Variants in DNM3 observed in about 807,000 individuals in gnomAD.
DNM3 encodes the protein dynamin 3.
In DNM3, 47 loss-of-function variants were observed where a neutral mutation model predicts 101.6. That is an observed-to-expected ratio of 0.46 (90% CI 0.37 to 0.59). DNM3 has a LOEUF of 0.59. Among genes scored for constraint, DNM3 ranks in the 20% least tolerant of loss-of-function variants. The pLI, the probability that DNM3 is intolerant of heterozygous loss-of-function variation, is 0.00. For missense variants in DNM3, 849 were observed against 1,085.7 expected (o/e 0.78, Z 3.06); for synonymous variants, 385 against 387.9 (o/e 0.99, Z 0.09).
chr1:171,930,537 G>T (rs1166541839), intron 2 of DNM3, among the ~76,000 whole-genome samples: 1 of 152,142 alleles, frequency 6.6e-6, no homozygotes, highest in Non-Finnish European at 1.5e-5. Context: ...CAGACTGAAT[G>T]CCGTGGTGGA....
downstream of DNM3, among the ~76,000 whole-genome samples, chr1:172,417,634 TCCTAGTTTC>T (rs1216828379): frequency 6.6e-6 from 1 of 152,208 alleles, no homozygotes; most frequent in Admixed American, 6.5e-5. Flanking sequence ...AGACCTTGCC[TCCTAGTTTC>T]CCTAGGCCTG....
chr1:172,079,412 C>T (rs2052952656), intron 11 of DNM3, among the ~76,000 whole-genome samples: 1 of 151,534 alleles, frequency 6.6e-6, no homozygotes, highest in South Asian at 2.1e-4. Flanking sequence ...GATCGATTTG[C>T]CTATTGATAC....
At chr1:172,189,417 G>C (rs748633248) in intron 14 of DNM3, among the ~76,000 whole-genome samples, 1 of 151,908 alleles carries the variant, frequency 6.6e-6, no homozygotes, top group Non-Finnish European at 1.5e-5. Flanking sequence ...AATTGGGATT[G>C]CATTTAATCT....
chr1:172,128,745 A>T (rs929113013), intron 13 of DNM3, among the ~76,000 whole-genome samples: 1 of 152,200 alleles, frequency 6.6e-6, no homozygotes, highest in African/African-American at 2.4e-5. Context: ...CGGCTACACT[A>T]TCACCTACTT....
rs1173484193 is a variant in DNM3, at chr1:172,299,419, G to C, written c.1770-9309G>C. Among the ~76,000 whole-genome samples, 13 of 152,248 alleles carry C rather than the reference G, an allele frequency of 8.5e-5. No individual in the cohort carries two copies. The East Asian group carries it at 1.9e-3, about 23-fold the overall frequency. ...AATATCAACTTACTTTATTTTATAT[G>C]TGCAGGTTTGTTACATGGGTATATC... On this transcript the variant is annotated intron_variant, in intron 15 of 20. Coordinates refer to ENST00000627582, the MANE Select transcript of DNM3 (RefSeq NM_015569.5).
chr1:171,996,211 TG>T (rs1310598763), intron 4 of DNM3, among the ~76,000 whole-genome samples: 1 of 152,212 alleles, frequency 6.6e-6, no homozygotes, highest in Non-Finnish European at 1.5e-5. Context: ...ATAGTTTTAC[TG>T]AGTAGAAGAG....
At chr1:172,045,889 G>C (rs1428643274) in intron 9 of DNM3, among the ~76,000 whole-genome samples, 1 of 152,140 alleles carries the variant, frequency 6.6e-6, no homozygotes, top group East Asian at 1.9e-4. Flanking sequence ...CATGTGATGG[G>C]TGATTTTACA....
At chr1:172,285,211 C>T (rs1056286675) in intron 15 of DNM3, among the ~76,000 whole-genome samples, 3 of 152,148 alleles carry the variant, frequency 2.0e-5, no homozygotes, top group Admixed American at 6.5e-5. Context: ...TTTGAAGAGT[C>T]GGTTATATCC....
intron 2 of DNM3, among the ~76,000 whole-genome samples, chr1:171,925,665 A>T (rs1018475093): frequency 2.0e-5 from 3 of 151,760 alleles, no homozygotes; most frequent in South Asian, 4.2e-4. Flanking sequence ...TCGTCTGTTT[A>T]CTCTGTTGGT....
At chr1:172,096,069 C>A (rs958336216) in intron 13 of DNM3, among the ~76,000 whole-genome samples, 1 of 152,126 alleles carries the variant, frequency 6.6e-6, no homozygotes, top group Non-Finnish European at 1.5e-5. Context: ...AACTGAAGTC[C>A]ACTTCCTTTT....
chr1:172,042,787 T>A (rs1031909735), intron 8 of DNM3, among the ~76,000 whole-genome samples: 2 of 152,120 alleles, frequency 1.3e-5, no homozygotes, highest in Admixed American at 1.3e-4. Context: ...GGAGGAAGTG[T>A]CCAGTTCACA....
chr1:171,940,976 G>A (rs1348416585), intron 2 of DNM3, among the ~76,000 whole-genome samples: 1 of 151,868 alleles, frequency 6.6e-6, no homozygotes, highest in African/African-American at 2.4e-5. Flanking sequence ...GGTCTCAATT[G>A]TTTATTATTG....
At chr1:171,908,356 C>T (rs905464123) in intron 1 of DNM3, among the ~76,000 whole-genome samples, 1 of 152,094 alleles carries the variant, frequency 6.6e-6, no homozygotes, top group Non-Finnish European at 1.5e-5. Flanking sequence ...CATATTCATG[C>T]TCAGATTAAC....
intron 6 of DNM3, among the ~76,000 whole-genome samples, chr1:172,037,314 C>T (rs969114615): frequency 6.6e-6 from 1 of 152,180 alleles, no homozygotes; most frequent in African/African-American, 2.4e-5. Flanking sequence ...GACTATAAAT[C>T]ATGCTGCTAT....
chr1:172,218,824 A>G (rs1557832897), intron 14 of DNM3, among the ~76,000 whole-genome samples: 1 of 152,098 alleles, frequency 6.6e-6, no homozygotes, highest in Non-Finnish European at 1.5e-5. Flanking sequence ...AGCATATAAT[A>G]TAGTGTTATG....
intron 1 of DNM3, among the ~76,000 whole-genome samples, chr1:171,881,187 A>T (rs2036239713): frequency 6.6e-6 from 1 of 152,178 alleles, no homozygotes; most frequent in Admixed American, 6.5e-5. Context: ...TTCCGTATGA[A>T]ACATTTGTTT....
intron 14 of DNM3, among the ~76,000 whole-genome samples, chr1:172,166,031 C>T (rs956483105): frequency 1.3e-5 from 2 of 152,128 alleles, no homozygotes; most frequent in African/African-American, 2.4e-5. Context: ...GTCTCTCTTC[C>T]GAGATCCCAT....
chr1:172,408,951 T>C lies in DNM3; in HGVS notation c.*1110T>C. 1 of 985,362 alleles carries C rather than the reference T, an allele frequency of 1.0e-6. No individual in the cohort carries two copies. The highest frequency in any genetic ancestry group is 1.2e-6 in the Non-Finnish European group (1 of 829,868). The allele number at this position is 985,362 out of a possible 1,614,324, so 61.0% of individuals were successfully genotyped here. ...CATGGGATAAGAGCAGAGCTCACACTTTTACAGTTGCAGTATTTCAAAGTC... is the reference window on the plus strand; with the variant it reads ...CATGGGATAAGAGCAGAGCTCACACCTTTACAGTTGCAGTATTTCAAAGTC... On this transcript the variant is annotated 3_prime_UTR_variant, in exon 21 of 21. Coordinates refer to ENST00000627582, the MANE Select transcript of DNM3 (RefSeq NM_015569.5).
intron 2 of DNM3, among the ~76,000 whole-genome samples, chr1:171,984,919 G>A (rs76914129): frequency 0.024 from 3,681 of 152,282 alleles, 176 homozygotes; most frequent in African/African-American, 0.083. Flanking sequence ...GTTTGAGATG[G>A]TCCTGAACAA....
Sources: gnomAD v4.1 joint callset for allele counts (sites outside exome capture counted in the v4.1 genomes callset) on GRCh38, gnomAD v4.1.1 for gene constraint, MANE v1.5 for transcripts, NCBI Gene and HGNC (gene_info 2026-07-23, HGNC 2026-07-21) for gene names.